ROR2: variants seen among roughly 807,000 people sequenced by gnomAD.
ROR2 encodes ROR family WNT receptor 2.
ROR2 carries 33 observed loss-of-function variants against 74.9 expected under a neutral mutation model. That is an observed-to-expected ratio of 0.44 (90% confidence interval 0.33 to 0.59). The LOEUF is 0.59. Ranked by LOEUF, ROR2 falls within the 20% of genes least tolerant of loss-of-function variation. ROR2 has a pLI of 0.02. For synonymous variants in ROR2, 586 were observed against 558.7 expected, an observed-to-expected ratio of 1.05 and a Z score of -0.69; for missense variants, 1,216 against 1,313.8, an observed-to-expected ratio of 0.93 and a Z score of 1.15.
chr9:91,794,772 C>T (rs1193336112), intron 1 of ROR2, among the ~76,000 whole-genome samples: 1 of 151,830 alleles, frequency 6.6e-6, no homozygotes, highest in Non-Finnish European at 1.5e-5. Flanking sequence ...AAATAATTCA[C>T]CTTGGAAATT....
chr9:91,732,314 G>C (rs1270031311), intron 6 of ROR2, among the ~76,000 whole-genome samples: 1 of 152,168 alleles, frequency 6.6e-6, no homozygotes, highest in Non-Finnish European at 1.5e-5. Context: ...GACTGGCCAT[G>C]GCCACCCTGC....
chr9:91,850,995 T>G (rs534384380), intron 1 of ROR2, among the ~76,000 whole-genome samples: 1 of 152,286 alleles, frequency 6.6e-6, no homozygotes, highest in South Asian at 2.1e-4. Context: ...CTAACATCAT[T>G]TATTTAAAAC....
At chr9:91,759,799 G>A (rs1260652479) in intron 2 of ROR2, among the ~76,000 whole-genome samples, 1 of 152,214 alleles carries the variant, frequency 6.6e-6, no homozygotes, top group African/African-American at 2.4e-5. Flanking sequence ...AAGGGACCAG[G>A]ATAGAGTCTC....
intron 4 of ROR2, 115 bp from the exon 5 acceptor site, chr9:91,737,633 A>G (rs1825078474): frequency 2.2e-6 from 3 of 1,387,822 alleles, no homozygotes; most frequent in Admixed American, 1.9e-5. Flanking sequence ...TGGTATTTAT[A>G]TAAGTAAATT....
intron 1 of ROR2, among the ~76,000 whole-genome samples, chr9:91,874,300 C>A (rs1476594265): frequency 6.6e-6 from 1 of 152,240 alleles, no homozygotes; most frequent in Non-Finnish European, 1.5e-5. Context: ...ACTCGCTCCT[C>A]ATTTCTGCCT....
Position 91,830,527 on chromosome 9 carries a change from T to C in ROR2, c.98-54709A>G, listed in dbSNP as rs574659953. On this transcript the variant is annotated intron_variant, in intron 1 of 8. Transcript: ENST00000375708. ...TGTACAATAACAAACACAACTCCCA[T>C]AAGCAGGTTTCAGAGCACACAGCAC... 3.3e-5 allele frequency among the ~76,000 whole-genome samples: 5 copies of C among 152,162 alleles called. No homozygotes were observed. In the South Asian group the frequency reaches 1.0e-3, roughly 32 times the overall value.
chr9:91,892,100 A>C (rs1399182382), intron 1 of ROR2, among the ~76,000 whole-genome samples: 1 of 150,884 alleles, frequency 6.6e-6, no homozygotes, highest in African/African-American at 2.4e-5. Context: ...AATCCTTCTC[A>C]CAGTTTCAAT....
chr9:91,821,777 C>T (rs1476557389), intron 1 of ROR2, among the ~76,000 whole-genome samples: 4 of 152,348 alleles, frequency 2.6e-5, no homozygotes, highest in Non-Finnish European at 5.9e-5. Flanking sequence ...GACAAGGACT[C>T]CAGCCCCGGC....
At chr9:91,756,282 A>G (rs1825747325) in intron 3 of ROR2, among the ~76,000 whole-genome samples, 181 bp from the exon 4 acceptor site, 2 of 152,208 alleles carry the variant, frequency 1.3e-5, no homozygotes. Context: ...ACACAAGGGA[A>G]GGGGTGCTTT....
chr9:91,821,668 T>TTAGTCTTTCTGCTA (rs1828144110), intron 1 of ROR2, among the ~76,000 whole-genome samples: 1 of 152,334 alleles, frequency 6.6e-6, no homozygotes, highest in East Asian at 1.9e-4. Flanking sequence ...GTGCCAACCC[T>TTAGTCTTTCTGCTA]TAGTCTTTCT....
chr9:91,950,017 G>T lies in ROR2; in HGVS notation c.-54C>A, dbSNP rs1832132399. Reference sequence around the variant, plus strand: ...TCAGAGCTTCGGGCCGGGGCGCGGGGTCGGGCGCCACCACCCCTTTCTACG... The same window carrying T: ...TCAGAGCTTCGGGCCGGGGCGCGGGTTCGGGCGCCACCACCCCTTTCTACG... On this transcript the variant is annotated 5_prime_UTR_variant, in exon 1 of 9. Coordinates refer to ENST00000375708, the MANE Select transcript of ROR2 (RefSeq NM_004560.4). 9.4e-6 allele frequency: 9 copies of T among 956,396 alleles called. No homozygotes were observed. The highest frequency in any genetic ancestry group is 1.3e-5 in the Non-Finnish European group (9 of 703,962). 59.2% of individuals were successfully genotyped at this position (956,396 alleles called of 1,614,324 possible). A position where few individuals can be genotyped will look rare whatever the true frequency, so the allele number is the denominator to read the frequency against.
At chr9:91,878,441 TG>T (rs1456805922) in intron 1 of ROR2, among the ~76,000 whole-genome samples, 1 of 152,214 alleles carries the variant, frequency 6.6e-6, no homozygotes, top group Non-Finnish European at 1.5e-5. Context: ...TAGGTCCTCA[TG>T]GTGTTTCATG....
chr9:91,828,511 C>T (rs1011387768), intron 1 of ROR2, among the ~76,000 whole-genome samples: 2 of 151,982 alleles, frequency 1.3e-5, no homozygotes, highest in African/African-American at 4.8e-5. Context: ...TTCAGGAGTT[C>T]GAGACCAGCC....
chr9:91,729,577 G>A (rs1489886257), intron 7 of ROR2, among the ~76,000 whole-genome samples: 1 of 152,214 alleles, frequency 6.6e-6, no homozygotes, highest in African/African-American at 2.4e-5. Flanking sequence ...ACCCCAGGAG[G>A]AGATCTCCAG....
intron 1 of ROR2, among the ~76,000 whole-genome samples, chr9:91,855,798 G>C (rs1829263582): frequency 6.6e-6 from 1 of 151,680 alleles, no homozygotes; most frequent in Non-Finnish European, 1.5e-5. Context: ...CTACCTCAGA[G>C]AGGAGGGACC....
At chr9:91,879,667 CCT>C (rs1830052217) in intron 1 of ROR2, among the ~76,000 whole-genome samples, 1 of 152,072 alleles carries the variant, frequency 6.6e-6, no homozygotes, top group Non-Finnish European at 1.5e-5. Context: ...CCACTCTCTT[CCT>C]TCTATATATT....
At chr9:91,883,680 G>A (rs1469163324) in intron 1 of ROR2, among the ~76,000 whole-genome samples, 1 of 152,134 alleles carries the variant, frequency 6.6e-6, no homozygotes, top group Non-Finnish European at 1.5e-5. Flanking sequence ...AGAGGCCTTG[G>A]AATGAGACTC....
chr9:91,797,794 T>C (rs1827226739), intron 1 of ROR2, among the ~76,000 whole-genome samples: 1 of 43,950 alleles, frequency 2.3e-5, no homozygotes, highest in African/African-American at 1.4e-4. Flanking sequence ...CTGGGCTCTG[T>C]GGGTGGGGCT....
intron 1 of ROR2, among the ~76,000 whole-genome samples, chr9:91,943,398 T>C (rs1415335940): frequency 1.3e-5 from 2 of 151,918 alleles, no homozygotes; most frequent in Admixed American, 1.3e-4. Context: ...ACCAAATATA[T>C]ATATAAATGA....
Sources: allele counts gnomAD v4.1 joint callset (sites outside exome capture counted in the v4.1 genomes callset), GRCh38; gene constraint gnomAD v4.1.1; transcripts MANE v1.5; gene names NCBI Gene and HGNC (gene_info 2026-07-23, HGNC 2026-07-21).